Variants in DYNC1I1 observed in about 807,000 individuals in gnomAD.
The protein encoded by DYNC1I1 is dynein cytoplasmic 1 intermediate chain 1.
DYNC1I1 carries 43 observed loss-of-function variants against 86.6 expected under a neutral mutation model. That is an observed-to-expected ratio of 0.50 (90% CI 0.39 to 0.64). The LOEUF (loss-of-function observed/expected upper bound fraction) is 0.64. Among genes scored for constraint, DYNC1I1 ranks in the 30% least tolerant of loss-of-function variants. The probability of loss-of-function intolerance (pLI) is 0.00; values close to 1 mark genes in which losing one functional copy is unlikely to be tolerated. For synonymous variants in DYNC1I1, 262 were observed against 283.7 expected (o/e 0.92, Z 0.77); for missense variants, 604 against 788.8 (o/e 0.77, Z 2.81).
intron 5 of DYNC1I1, among the ~76,000 whole-genome samples, chr7:95,843,082 A>AC (rs1789332235): frequency 6.6e-6 from 1 of 152,166 alleles, no homozygotes; most frequent in Non-Finnish European, 1.5e-5. Context: ...CATGTATTCT[A>AC]CACATTGCCC....
In DYNC1I1 at chr7:95,938,654, A is replaced by G. The variant is rs577931480; in HGVS notation, c.491-38858A>G. On this transcript the variant is annotated intron_variant, in intron 6 of 16. Coordinates refer to ENST00000447467, the MANE Select transcript of DYNC1I1 (RefSeq NM_001135556.2). ...CTGTAATATGGATCATGAGGTATGT[A>G]TGGAAATCTCATAGGTCTGTTGTAA... is the stretch of plus-strand genomic sequence containing the variant. Among the ~76,000 whole-genome samples the G allele has an allele frequency of 2.6e-4, 40 of 152,256 alleles. No individual in the cohort carries two copies. The South Asian group carries it at 5.6e-3, about 21-fold the overall frequency.
intron 14 of DYNC1I1, among the ~76,000 whole-genome samples, chr7:96,047,780 G>A (rs1457244376): frequency 1.3e-5 from 2 of 151,462 alleles, no homozygotes; most frequent in Non-Finnish European, 2.9e-5. Flanking sequence ...AGGAGCCAGT[G>A]AAAGGTGTAT....
At chr7:95,867,358 C>T (rs1025938373) in intron 5 of DYNC1I1, among the ~76,000 whole-genome samples, 2 of 152,190 alleles carry the variant, frequency 1.3e-5, no homozygotes, top group South Asian at 4.1e-4. Flanking sequence ...CCTCACAACT[C>T]AATGACAGGT....
At chr7:96,093,883 T>G (rs1382015159) in intron 16 of DYNC1I1, among the ~76,000 whole-genome samples, 1 of 152,216 alleles carries the variant, frequency 6.6e-6, no homozygotes, top group Non-Finnish European at 1.5e-5. Context: ...TAAGCTATTA[T>G]TCTCAGAGAA....
chr7:95,969,460 C>T (rs963616348), intron 6 of DYNC1I1, among the ~76,000 whole-genome samples: 4 of 152,030 alleles, frequency 2.6e-5, no homozygotes, highest in African/African-American at 4.8e-5. Context: ...ATGGAAACAC[C>T]GATCAGTCAA....
intron 5 of DYNC1I1, among the ~76,000 whole-genome samples, chr7:95,850,545 C>G (rs372250127): frequency 6.6e-6 from 1 of 152,124 alleles, no homozygotes; most frequent in East Asian, 1.9e-4. Context: ...TGCCTGAAAC[C>G]ATGGATAGTA....
intron 14 of DYNC1I1, among the ~76,000 whole-genome samples, chr7:96,053,439 A>G (rs1331109664): frequency 6.6e-6 from 1 of 151,982 alleles, no homozygotes; most frequent in African/African-American, 2.4e-5. Flanking sequence ...ATCAACTTAT[A>G]ATTGTTTTTA....
At chr7:96,063,877 G>A (rs570563830) in intron 14 of DYNC1I1, among the ~76,000 whole-genome samples, 3 of 152,142 alleles carry the variant, frequency 2.0e-5, no homozygotes, top group South Asian at 4.2e-4. Flanking sequence ...TTTCACTACC[G>A]CCACCTCCTA....
chr7:95,856,448 A>G lies in DYNC1I1; in HGVS notation c.375-13435A>G, dbSNP rs190641299. On this transcript the variant is annotated intron_variant, in intron 5 of 16. Transcript: ENST00000447467. ...TTTCATCATACATTCGCTTGTAAGC[A>G]GATAATGTACTACAGACATTCCTTT... Among the ~76,000 whole-genome samples, 699 of 152,356 alleles carry G rather than the reference A, an allele frequency of 4.6e-3. 4 individuals carry two copies. The highest frequency in any genetic ancestry group is 0.016 in the African/African-American group (660 of 41,572).
At position 95,833,116 on chromosome 7, in the gene DYNC1I1, G is replaced by A. The variant is rs1199556303; in HGVS notation, c.374+5000G>A. Among the ~76,000 whole-genome samples the A allele has an allele frequency of 2.1e-3, 318 of 148,550 alleles. 1 individual carries two copies. The highest frequency in any genetic ancestry group is 7.6e-3 in the African/African-American group (300 of 39,698). ...TTATGGTTTTAGGTCTAATGTTTAA[G>A]TCTTTAATCCATCTTGAATTGATTT... On this transcript the variant is annotated intron_variant, in intron 5 of 16. Coordinates refer to ENST00000447467, the MANE Select transcript of DYNC1I1 (RefSeq NM_001135556.2).
chr7:95,903,978 G>A (rs1397299938), intron 6 of DYNC1I1, among the ~76,000 whole-genome samples: 2 of 152,182 alleles, frequency 1.3e-5, no homozygotes, highest in Admixed American at 1.3e-4. Context: ...GGTGGGTGGA[G>A]AGGAGCAGCA....
intron 1 of DYNC1I1, among the ~76,000 whole-genome samples, chr7:95,785,771 A>G (rs1014478391): frequency 0.019 from 1,001 of 52,730 alleles, 6 homozygotes; most frequent in Non-Finnish European, 0.032. Context: ...ATATGTGTGT[A>G]TGTGTATATA....
chr7:95,895,404 G>C (rs144857643), intron 6 of DYNC1I1, among the ~76,000 whole-genome samples: 1 of 151,958 alleles, frequency 6.6e-6, no homozygotes, highest in Non-Finnish European at 1.5e-5. Flanking sequence ...TGAGTTCTTC[G>C]GCAATTTCTC....
At chr7:95,809,468 A>G (rs6978032) in intron 2 of DYNC1I1, among the ~76,000 whole-genome samples, 4,871 of 152,198 alleles carry the variant, frequency 0.032, 256 homozygotes, top group African/African-American at 0.11. Flanking sequence ...CTTTGTTGTG[A>G]GGTAGTTACA....
chr7:95,826,431 T>C (rs1347428969), intron 4 of DYNC1I1, among the ~76,000 whole-genome samples: 1 of 152,218 alleles, frequency 6.6e-6, no homozygotes, highest in East Asian at 1.9e-4. Flanking sequence ...GCTTATCATA[T>C]GGTTGCCATG....
intron 6 of DYNC1I1, among the ~76,000 whole-genome samples, chr7:95,975,814 C>A (rs1481233676): frequency 1.3e-5 from 2 of 152,150 alleles, no homozygotes; most frequent in Non-Finnish European, 2.9e-5. Context: ...GCTGAGAGGC[C>A]TTTTGAAAAC....
intron 6 of DYNC1I1, among the ~76,000 whole-genome samples, chr7:95,889,908 C>T (rs2116262362): frequency 6.6e-6 from 1 of 152,238 alleles, no homozygotes; most frequent in South Asian, 2.1e-4. Context: ...CATCTCACAC[C>T]AATCAGAATG....
At chr7:96,047,428 T>G (rs949802565) in intron 14 of DYNC1I1, among the ~76,000 whole-genome samples, 2 of 152,206 alleles carry the variant, frequency 1.3e-5, no homozygotes, top group Admixed American at 1.3e-4. Context: ...ATCTTGGACC[T>G]GCTGATGCTG....
chr7:95,773,039 G>A (rs887179891), intron 1 of DYNC1I1, among the ~76,000 whole-genome samples: 4 of 152,212 alleles, frequency 2.6e-5, no homozygotes, highest in East Asian at 1.9e-4. Flanking sequence ...GTCACCACCT[G>A]GTCGCCCACC....
Sources: gnomAD v4.1 joint callset for allele counts (sites outside exome capture counted in the v4.1 genomes callset) on GRCh38, gnomAD v4.1.1 for gene constraint, MANE v1.5 for transcripts, NCBI Gene and HGNC (gene_info 2026-07-23, HGNC 2026-07-21) for gene names.